Variants in SH3GL3 observed in about 807,000 individuals in gnomAD.
SH3GL3 encodes endophilin-A3.
A neutral mutation model predicts 47.7 loss-of-function variants in SH3GL3; 33 were observed. That is an observed-to-expected ratio of 0.69 (90% CI 0.52 to 0.92). SH3GL3 has a LOEUF of 0.92. Among genes scored for constraint, SH3GL3 ranks in the 40% least tolerant of loss-of-function variants. SH3GL3 has a pLI of 0.00. For synonymous variants in SH3GL3, 155 were observed against 148.8 expected, an observed-to-expected ratio of 1.04 and a Z score of -0.30; for missense variants, 363 against 417.8, an observed-to-expected ratio of 0.87 and a Z score of 1.14.
intron 5 of SH3GL3, among the ~76,000 whole-genome samples, chr15:83,573,223 C>A (rs1177042554): frequency 6.6e-6 from 1 of 152,180 alleles, no homozygotes; most frequent in East Asian, 1.9e-4. Context: ...GCAAAAACAG[C>A]CCCAAGACTT....
chr15:83,599,388 A>G lies in SH3GL3; in HGVS notation c.838+10617A>G, dbSNP rs56052311. Among the ~76,000 whole-genome samples, 674 of 152,248 alleles carry G rather than the reference A, an allele frequency of 4.4e-3. 2 individuals are homozygous for G. Among genetic ancestry groups the G allele is most frequent in the Non-Finnish European group, 6.9e-3 (471 of 67,998 alleles). ...TCAAGTCCCCAAAGTCCATTGTATC[A>G]TTCTTATGTCTTTGCATCCTCATAG... On this transcript the variant is annotated intron_variant, in intron 8 of 8. Coordinates refer to ENST00000427482, the MANE Select transcript of SH3GL3 (RefSeq NM_003027.5).
At chr15:83,529,633 G>A (rs974542255) in intron 1 of SH3GL3, among the ~76,000 whole-genome samples, 5 of 151,140 alleles carry the variant, frequency 3.3e-5, no homozygotes, top group African/African-American at 1.2e-4. Context: ...GCAGGCTGTG[G>A]TGGGACAATC....
intron 3 of SH3GL3, among the ~76,000 whole-genome samples, chr15:83,567,178 G>T (rs2562769): frequency 0.47 from 71,683 of 151,768 alleles, 17,230 homozygotes; most frequent in African/African-American, 0.56. Context: ...TGTATTAATA[G>T]CATTTTAGGT....
intron 4 of SH3GL3, among the ~76,000 whole-genome samples, chr15:83,569,622 G>T (rs2045720567): frequency 6.6e-6 from 1 of 152,164 alleles, no homozygotes; most frequent in African/African-American, 2.4e-5. Flanking sequence ...TGACACTGTT[G>T]CCAGGAGTGA....
chr15:83,507,571 C>A (rs1019613066), intron 1 of SH3GL3, among the ~76,000 whole-genome samples: 3 of 151,812 alleles, frequency 2.0e-5, no homozygotes. Flanking sequence ...CATGTCACCA[C>A]GCCTGGCTAA....
intron 1 of SH3GL3, among the ~76,000 whole-genome samples, chr15:83,541,792 C>T (rs2044178497): frequency 6.6e-6 from 1 of 152,048 alleles, no homozygotes; most frequent in Non-Finnish European, 1.5e-5. Context: ...AGATCTTTTG[C>T]TCATTTTTAA....
intron 5 of SH3GL3, among the ~76,000 whole-genome samples, chr15:83,573,602 A>AC (rs2059593885): frequency 6.6e-6 from 1 of 152,036 alleles, no homozygotes; most frequent in Non-Finnish European, 1.5e-5. Context: ...GGAAGTGTGA[A>AC]CCCCCACTGG....
At chr15:83,499,689 C>T (rs934913931) in intron 1 of SH3GL3, among the ~76,000 whole-genome samples, 2 of 152,142 alleles carry the variant, frequency 1.3e-5, no homozygotes, top group African/African-American at 4.8e-5. Context: ...AATGAAATGA[C>T]CACTGAATGG....
chr15:83,451,633 G>A lies in SH3GL3; in HGVS notation c.45+4055G>A, dbSNP rs1450396157. 6.8e-5 allele frequency among the ~76,000 whole-genome samples: 8 copies of A among 116,886 alleles called. No individual in the cohort carries two copies. In the South Asian group the frequency reaches 1.1e-3, roughly 16 times the overall value. 76.7% of individuals were successfully genotyped at this position (116,886 alleles called of 152,430 possible). The stretch of plus-strand genomic sequence containing the variant: ...TGAGAAGTGTCTGTTCATGTCCTTC[G>A]CCCACTTTTTGATGGGGTTCTTTGT... On this transcript the variant is annotated intron_variant, in intron 1 of 8. Coordinates refer to ENST00000427482, the MANE Select transcript of SH3GL3 (RefSeq NM_003027.5).
At chr15:83,458,049 A>G (rs1044219034) in intron 1 of SH3GL3, among the ~76,000 whole-genome samples, 2 of 152,172 alleles carry the variant, frequency 1.3e-5, no homozygotes, top group African/African-American at 4.8e-5. Flanking sequence ...TCTCATGTGT[A>G]TTTGGGGAAG....
At chr15:83,599,938 A>G (rs1405355712) in intron 8 of SH3GL3, among the ~76,000 whole-genome samples, 1 of 152,144 alleles carries the variant, frequency 6.6e-6, no homozygotes, top group Non-Finnish European at 1.5e-5. Context: ...TTCCCGGATC[A>G]TTAGTGATGT....
In SH3GL3 at chr15:83,572,654, G is replaced by A. The variant is rs1304636351; in HGVS notation, c.421G>A (p.Asp141Asn). The A allele has an allele frequency of 6.2e-7, 1 of 1,611,100 alleles. No homozygotes were observed. Among genetic ancestry groups the A allele is most frequent in the Admixed American group, 1.7e-5 (1 of 59,984 alleles). ...LDINVKQTFI[D>N]PLQLLQDKDL... ...TATTAATGTAAAGCAAACTTTTATT[G>A]ATCCACTTCAGTTACTACAAGATAA... The change falls in exon 5 of 9, where the codon GAT becomes AAT. Residue 141 changes from aspartate to asparagine, a missense_variant. Physicochemically the swap from Asp to Asn is conservative, Grantham distance 23. Transcript: ENST00000427482.
chr15:83,483,699 A>C (rs1209705610), intron 1 of SH3GL3, among the ~76,000 whole-genome samples: 1 of 152,138 alleles, frequency 6.6e-6, no homozygotes, highest in East Asian at 1.9e-4. Context: ...AAAGTTAGAG[A>C]AGTCGCATTA....
intron 1 of SH3GL3, among the ~76,000 whole-genome samples, chr15:83,506,872 G>A (rs530725218): frequency 6.6e-6 from 1 of 152,166 alleles, no homozygotes; most frequent in East Asian, 1.9e-4. Flanking sequence ...AGGAGTGGCT[G>A]AAGGCTGGGG....
At chr15:83,522,644 A>T (rs531004605) in intron 1 of SH3GL3, among the ~76,000 whole-genome samples, 1 of 152,226 alleles carries the variant, frequency 6.6e-6, no homozygotes, top group Non-Finnish European at 1.5e-5. Flanking sequence ...TTGCTTTGTC[A>T]TTATAGCTGC....
chr15:83,579,199 C>G (rs896802670), intron 6 of SH3GL3, among the ~76,000 whole-genome samples: 2 of 152,202 alleles, frequency 1.3e-5, no homozygotes, highest in South Asian at 4.1e-4. Context: ...CCACCCTGCC[C>G]CAGCAGAAGT....
intron 8 of SH3GL3, among the ~76,000 whole-genome samples, chr15:83,596,970 C>T (rs2060250793): frequency 6.6e-6 from 1 of 151,996 alleles, no homozygotes; most frequent in Non-Finnish European, 1.5e-5. Context: ...TTCTTTGATC[C>T]AGTTATTTAT....
intron 1 of SH3GL3, among the ~76,000 whole-genome samples, chr15:83,518,929 G>A (rs999757911): frequency 6.6e-6 from 1 of 152,120 alleles, no homozygotes; most frequent in Non-Finnish European, 1.5e-5. Flanking sequence ...ATGGTGGAAG[G>A]TGGTGGTCCA....
chr15:83,524,821 T>C (rs1160033583), intron 1 of SH3GL3, among the ~76,000 whole-genome samples: 2 of 152,136 alleles, frequency 1.3e-5, no homozygotes, highest in Non-Finnish European at 2.9e-5. Flanking sequence ...TTTCCAACCA[T>C]GTTGCTGCAA....
Sources: gnomAD v4.1 joint callset for allele counts (sites outside exome capture counted in the v4.1 genomes callset) on GRCh38, gnomAD v4.1.1 for gene constraint, MANE v1.5 for transcripts, NCBI Gene and HGNC (gene_info 2026-07-23, HGNC 2026-07-21) for gene names.